CDYL: variants seen among roughly 807,000 people sequenced by gnomAD.
CDYL encodes chromodomain Y-like protein.
Under a neutral mutation model 47.3 loss-of-function variants are expected in CDYL, and 8 were observed. That is an observed-to-expected ratio of 0.17 (90% CI 0.10 to 0.31). The LOEUF (loss-of-function observed/expected upper bound fraction) is 0.31, where lower values mean the gene tolerates loss of function less well. CDYL is among the 10% of genes least tolerant of loss of function. CDYL has a pLI of 1.00. For synonymous variants in CDYL, 266 were observed against 265.0 expected, an observed-to-expected ratio of 1.00 and a Z score of -0.04; for missense variants, 471 against 701.4, an observed-to-expected ratio of 0.67 and a Z score of 3.71.
intron 1 of CDYL, among the ~76,000 whole-genome samples, chr6:4,805,044 A>C (rs895529669): frequency 1.3e-5 from 2 of 152,156 alleles, no homozygotes; most frequent in African/African-American, 4.8e-5. Flanking sequence ...AAATCAGACC[A>C]AAAAAACCCC....
At chr6:4,843,508 TC>T (rs1489447271) in intron 1 of CDYL, among the ~76,000 whole-genome samples, 4 of 146,652 alleles carry the variant, frequency 2.7e-5, no homozygotes, top group African/African-American at 1.1e-4. Context: ...AGAGGCTTTT[TC>T]TTTTTTTTTT....
intron 2 of CDYL, chr6:4,733,228 C>G (rs892724368): frequency 2.0e-5 from 3 of 152,206 alleles, no homozygotes; most frequent in African/African-American, 7.2e-5. Context: ...ATGTCAGTGA[C>G]TCTTCACTGA....
chr6:4,838,147 G>A (rs1478184828), intron 1 of CDYL, among the ~76,000 whole-genome samples: 3 of 151,964 alleles, frequency 2.0e-5, no homozygotes, highest in African/African-American at 4.8e-5. Context: ...AAGTTTTTCG[G>A]TATGTCTTTT....
intron 1 of CDYL, among the ~76,000 whole-genome samples, chr6:4,885,543 G>C (rs1341414200): frequency 2.6e-5 from 4 of 152,212 alleles, no homozygotes. Flanking sequence ...CTGATAAGGG[G>C]TGACTGTTAC....
At chr6:4,897,491 T>C (rs1762317038) in intron 2 of CDYL, among the ~76,000 whole-genome samples, 1 of 152,246 alleles carries the variant, frequency 6.6e-6, no homozygotes, top group African/African-American at 2.4e-5. Context: ...ATGATCCATC[T>C]CCCTTTCCTC....
intron 1 of CDYL, among the ~76,000 whole-genome samples, chr6:4,807,694 C>T (rs974778574): frequency 2.1e-5 from 3 of 139,972 alleles, no homozygotes; most frequent in Non-Finnish European, 3.0e-5. Context: ...GCCTCTACCT[C>T]CTGGGCTCAG....
intron 1 of CDYL, among the ~76,000 whole-genome samples, chr6:4,888,434 G>T (rs1761955395): frequency 1.4e-5 from 2 of 142,610 alleles, no homozygotes; most frequent in African/African-American, 3.1e-5. Flanking sequence ...TTGGCATATA[G>T]TTGTTCATAG....
chr6:4,759,774 G>A (rs1166300991), intron 3 of CDYL, among the ~76,000 whole-genome samples: 3 of 150,132 alleles, frequency 2.0e-5, no homozygotes, highest in Admixed American at 2.0e-4. Context: ...AGCTACTCAG[G>A]AGGCTGAGGC....
chr6:4,847,345 A>T (rs554562851), intron 1 of CDYL, among the ~76,000 whole-genome samples: 1 of 152,160 alleles, frequency 6.6e-6, no homozygotes, highest in East Asian at 1.9e-4. Context: ...TGTTTAGTGG[A>T]CCTGTCTGTC....
intron 1 of CDYL, among the ~76,000 whole-genome samples, chr6:4,815,265 AGATT>A (rs755041628): frequency 9.1e-4 from 138 of 152,342 alleles, no homozygotes; most frequent in Non-Finnish European, 1.6e-3. Context: ...TCACATAAAT[AGATT>A]TTTAAACATG....
intron 3 of CDYL, among the ~76,000 whole-genome samples, chr6:4,767,570 C>T (rs28605962): frequency 0.015 from 2,161 of 143,048 alleles, 40 homozygotes; most frequent in African/African-American, 0.052. Context: ...AAGACACCCT[C>T]GAGAGGAGAG....
intron 1 of CDYL, among the ~76,000 whole-genome samples, chr6:4,887,191 A>T (rs1761921330): frequency 6.6e-6 from 1 of 152,142 alleles, no homozygotes; most frequent in African/African-American, 2.4e-5. Flanking sequence ...GTTCTTACCA[A>T]TTCCGTGTGA....
intron 1 of CDYL, among the ~76,000 whole-genome samples, chr6:4,832,545 G>C (rs1760177306): frequency 6.6e-6 from 1 of 151,002 alleles, no homozygotes; most frequent in Non-Finnish European, 1.5e-5. Context: ...CTCTTTTTTG[G>C]TTGTGTCTCT....
chr6:4,713,589 C>T lies in CDYL; in HGVS notation c.-38-2152C>T, dbSNP rs374944738. Among the ~76,000 whole-genome samples the T allele has an allele frequency of 1.4e-3, 154 of 113,638 alleles. 4 individuals are homozygous for T. Among genetic ancestry groups the T allele is most frequent in the Non-Finnish European group, 1.7e-3 (80 of 48,134 alleles). The allele number at this position is 113,638 out of a possible 152,430, so 74.6% of individuals were successfully genotyped here. A position where few individuals can be genotyped will look rare whatever the true frequency, so the allele number is the denominator to read the frequency against. On this transcript the variant is annotated intron_variant, in intron 1 of 8. Transcript: ENST00000328908. Reference sequence around the variant, plus strand: ...TCTTAAAACTTCTATCATTTAGATTCTTTTTTTTTTTTTTTGGAGACAGAA... The same window carrying T: ...TCTTAAAACTTCTATCATTTAGATTTTTTTTTTTTTTTTTTGGAGACAGAA...
chr6:4,848,446 G>A (rs1004413525), intron 1 of CDYL, among the ~76,000 whole-genome samples: 2 of 152,162 alleles, frequency 1.3e-5, no homozygotes, highest in African/African-American at 4.8e-5. Context: ...CCTTAAGCCC[G>A]ATGTATGCCT....
rs568774960 is a variant in CDYL, at chr6:4,794,486, G to C, written c.24+17679G>C. Among the ~76,000 whole-genome samples the C allele has an allele frequency of 7.2e-5, 11 of 152,294 alleles. No individual in the cohort carries two copies. In the South Asian group the frequency reaches 1.2e-3, roughly 17 times the overall value. On this transcript the variant is annotated intron_variant, in intron 1 of 6. Transcript: ENST00000397588. The stretch of plus-strand genomic sequence containing the variant: ...GGCGACTCCTCGGAAGGGTTTCATG[G>C]AAAGAGAACTGGGAGTGCCGGGCAG...
intron 1 of CDYL, chr6:4,890,263 C>A (rs1023912140): frequency 1.6e-6 from 1 of 620,090 alleles, no homozygotes; most frequent in Non-Finnish European, 2.0e-6. Context: ...AGAAATATGT[C>A]TTTTACTTAA....
chr6:4,867,509 T>A (rs1157878191), intron 1 of CDYL, among the ~76,000 whole-genome samples: 1 of 152,128 alleles, frequency 6.6e-6, no homozygotes, highest in African/African-American at 2.4e-5. Flanking sequence ...TTCTAATTTG[T>A]TGAGAGTTTT....
intron 3 of CDYL, among the ~76,000 whole-genome samples, chr6:4,753,389 C>T (rs1758027778): frequency 6.6e-6 from 1 of 152,112 alleles, no homozygotes; most frequent in Admixed American, 6.6e-5. Context: ...ATGCAGAATA[C>T]CTGTACTCTG....
Sources: allele counts gnomAD v4.1 joint callset (sites outside exome capture counted in the v4.1 genomes callset), GRCh38; gene constraint gnomAD v4.1.1; transcripts MANE v1.5; gene names NCBI Gene and HGNC (gene_info 2026-07-23, HGNC 2026-07-21).